The following MYBL2 variants were observed in gnomAD, a reference collection of about 807,000 sequenced individuals.
MYBL2 encodes the protein myb-related protein B.
A neutral mutation model predicts 79.9 loss-of-function variants in MYBL2; 28 were observed. The ratio of observed to expected loss-of-function variants is 0.35; its 90% CI spans 0.26 to 0.48. The LOEUF is 0.48. MYBL2 is among the 20% of genes least tolerant of loss of function. The probability of loss-of-function intolerance (pLI) is 0.99; values close to 1 mark genes in which losing one functional copy is unlikely to be tolerated. For synonymous variants in MYBL2, 378 were observed against 361.2 expected (o/e 1.05, Z -0.53); for missense variants, 735 against 893.9 (o/e 0.82, Z 2.27).
chr20:43,693,274 C>T (rs565736528), intron 6 of MYBL2, among the ~76,000 whole-genome samples: 66 of 152,268 alleles, frequency 4.3e-4, no homozygotes, highest in South Asian at 1.9e-3. Flanking sequence ...TGAAGAGATC[C>T]GCCTGCCTTG....
At chr20:43,675,464 C>T (rs767714979) in intron 2 of MYBL2, among the ~76,000 whole-genome samples, 1 of 152,000 alleles carries the variant, frequency 6.6e-6, no homozygotes, top group Non-Finnish European at 1.5e-5. Context: ...CAGGCACCCG[C>T]CATCATGCCC....
At chr20:43,714,829 C>T (rs1240947251) in intron 12 of MYBL2, among the ~76,000 whole-genome samples, 2 of 152,208 alleles carry the variant, frequency 1.3e-5, no homozygotes, top group East Asian at 1.9e-4. Context: ...CGGGGTTTCA[C>T]CCTGTTGACC....
chr20:43,700,881 A>G (rs983748517), intron 7 of MYBL2, among the ~76,000 whole-genome samples: 1 of 152,192 alleles, frequency 6.6e-6, no homozygotes, highest in African/African-American at 2.4e-5. Context: ...TCCTGCTACT[A>G]TCGCTTGGCA....
intron 5 of MYBL2, among the ~76,000 whole-genome samples, chr20:43,688,863 C>A (rs1361556500): frequency 6.6e-6 from 1 of 152,154 alleles, no homozygotes; most frequent in African/African-American, 2.4e-5. Context: ...GATCTCGGCT[C>A]ACTGCAACCT....
At position 43,683,238 on chromosome 20, in the gene MYBL2, T is replaced by C. The variant is rs117330108; in HGVS notation, c.279+352T>C. On this transcript the variant is annotated intron_variant, in intron 4 of 13. Coordinates refer to ENST00000217026, the MANE Select transcript of MYBL2 (RefSeq NM_002466.4). ...GTTCTGTACATTTGCTCTCAGCAAA[T>C]GGCAGCTGCTGCTATCCCTGATTTA... 3.6e-4 allele frequency among the ~76,000 whole-genome samples: 55 copies of C among 152,336 alleles called. 2 individuals carry two copies. In the East Asian group the frequency reaches 9.6e-3, roughly 27 times the overall value.
At chr20:43,705,113 C>T (rs1001832884) in intron 8 of MYBL2, 106 bp from the exon 9 acceptor site, 30 of 1,428,194 alleles carry the variant, frequency 2.1e-5, no homozygotes, top group Admixed American at 1.9e-4. Context: ...TCAGAGCAGA[C>T]GTTTTGGGGG....
intron 1 of MYBL2, among the ~76,000 whole-genome samples, chr20:43,671,078 C>G (rs760381533): frequency 1.3e-5 from 2 of 151,102 alleles, no homozygotes; most frequent in African/African-American, 2.4e-5. Context: ...AAGCAATTCT[C>G]CTGCCTCAGT....
chr20:43,692,451 G>T, intron 6 of MYBL2, 132 bp downstream of exon 6: 1 of 1,128,710 alleles, frequency 8.9e-7, no homozygotes, highest in Non-Finnish European at 1.2e-6. Flanking sequence ...TGCTTCTGGG[G>T]CCTTGTGAGA....
At chr20:43,676,858 G>A (rs1449211860) in intron 2 of MYBL2, among the ~76,000 whole-genome samples, 1 of 149,934 alleles carries the variant, frequency 6.7e-6, no homozygotes, top group Non-Finnish European at 1.5e-5. Flanking sequence ...CATCATAGAT[G>A]TCTTTAATTT....
rs904299645 is a variant in MYBL2 at position 43,682,719 on chromosome 20, A to G, written c.187-75A>G. ...TCCCAGGCCATAGGCCCCTGAGCCT[A>G]GTACTTAACCAGGCCCCCAGCCCGA... On this transcript the variant is annotated intron_variant, in intron 3 of 13. Coordinates refer to ENST00000217026, the MANE Select transcript of MYBL2 (RefSeq NM_002466.4). The G allele has an allele frequency of 4.3e-6, 6 of 1,382,850 alleles. No homozygotes were observed. The African/African-American group carries it at 5.7e-5, about 13-fold the overall frequency. 85.7% of individuals were successfully genotyped at this position (1,382,850 alleles called of 1,614,324 possible). A position where few individuals can be genotyped will look rare whatever the true frequency, so the allele number is the denominator to read the frequency against.
At position 43,678,936 on chromosome 20, in the gene MYBL2, G is replaced by A. The variant is rs534311072; in HGVS notation, c.115-2848G>A. 3.3e-5 allele frequency among the ~76,000 whole-genome samples: 5 copies of A among 151,884 alleles called. 1 individual carries two copies. Among genetic ancestry groups the A allele is most frequent in the African/African-American group, 1.2e-4 (5 of 41,454 alleles). ...ACCAGTGCTGAGGGAGTGGGAGAGG[G>A]CGCTGTGCCAGGCAAGCAAGAGGTG... On this transcript the variant is annotated intron_variant, in intron 2 of 13. Transcript: ENST00000217026.
chr20:43,669,559 AG>A (rs1986811506), intron 1 of MYBL2, among the ~76,000 whole-genome samples: 1 of 152,170 alleles, frequency 6.6e-6, no homozygotes, highest in Admixed American at 6.5e-5. Flanking sequence ...GGCAAAAGGT[AG>A]GGTATGTTGG....
intron 4 of MYBL2, among the ~76,000 whole-genome samples, chr20:43,685,991 C>T (rs866435826): frequency 3.3e-5 from 5 of 151,954 alleles, no homozygotes; most frequent in East Asian, 1.9e-4. Context: ...GAGCCAAGAT[C>T]GTGCCATTGC....
Position 43,690,834 on chromosome 20 carries a change from TCA to T in MYBL2, c.501-1322_501-1321del, listed in dbSNP as rs1458340272. 5.3e-5 allele frequency among the ~76,000 whole-genome samples: 8 copies of T among 152,284 alleles called. No homozygotes were observed. In the East Asian group the frequency reaches 1.4e-3, roughly 26 times the overall value. On this transcript the variant is annotated intron_variant, in intron 5 of 13. Transcript: ENST00000217026. ...CCTGACCTCAGGTGATCCACCTGCC[TCA>T]GCCTCCCAAAGTGCTGGGATTACAG...
intron 6 of MYBL2, among the ~76,000 whole-genome samples, chr20:43,697,020 C>T (rs149067938): frequency 9.8e-4 from 48 of 48,952 alleles, no homozygotes; most frequent in East Asian, 5.8e-3. Context: ...CCACTGCGCC[C>T]GGCCGGTTGA....
intron 4 of MYBL2, among the ~76,000 whole-genome samples, chr20:43,684,796 C>G (rs1383070896): frequency 6.6e-6 from 1 of 150,910 alleles, no homozygotes; most frequent in African/African-American, 2.4e-5. Flanking sequence ...ACGATCACAC[C>G]ACTGTACTCC....
At chr20:43,706,716 AAAG>A (rs1304188323) in intron 9 of MYBL2, among the ~76,000 whole-genome samples, 42 of 10,480 alleles carry the variant, frequency 4.0e-3, no homozygotes, top group South Asian at 8.6e-3. Flanking sequence ...AAAAAAAAAA[AAAG>A]TTTTTTTTTT....
intron 6 of MYBL2, among the ~76,000 whole-genome samples, chr20:43,696,487 C>T (rs546885184): frequency 1.3e-5 from 2 of 152,400 alleles, no homozygotes; most frequent in East Asian, 1.9e-4. Context: ...TCCCAAAATA[C>T]TGGGATTACA....
In MYBL2 at chr20:43,713,014, C is replaced by A. The variant is rs1356315419; in HGVS notation, c.1732C>A (p.Pro578Thr). 6.2e-7 allele frequency: 1 copy of A among 1,611,526 alleles called. No homozygotes were observed. The highest frequency in any genetic ancestry group is 1.3e-5 in the African/African-American group (1 of 74,892). The change falls in exon 12 of 14, where the codon CCC becomes ACC. Residue 578 changes from proline (P) to threonine (T), a missense_variant. Transcript: ENST00000217026. ...QKRKPGLRRS[P>T]IKKVRKSLAL... ...TGCCAACCCCTAGCTGCGGCGGAGC[C>A]CCATCAAGAAAGTCCGGAAGTCTCT...
Sources: gnomAD v4.1 joint callset for allele counts (sites outside exome capture counted in the v4.1 genomes callset) on GRCh38, gnomAD v4.1.1 for gene constraint, MANE v1.5 for transcripts, NCBI Gene and HGNC (gene_info 2026-07-23, HGNC 2026-07-21) for gene names.